Variants in HTR2C observed in about 807,000 individuals in gnomAD.
The protein encoded by HTR2C is 5-hydroxytryptamine receptor 2C.
Under a neutral mutation model 21.0 loss-of-function variants are expected in HTR2C, and 5 were observed. The observed-to-expected ratio is 0.24, with a 90% confidence interval of 0.12 to 0.50. HTR2C has a LOEUF of 0.50. Among genes scored for constraint, HTR2C ranks in the 20% least tolerant of loss-of-function variants. HTR2C has a pLI of 0.98. For missense variants in HTR2C, 271 were observed against 371.2 expected (o/e 0.73, Z 2.22); for synonymous variants, 150 against 145.3 (o/e 1.03, Z -0.23).
intron 4 of HTR2C, among the ~76,000 whole-genome samples, chrX:114,806,451 G>GTA (rs1252572118): frequency 4.2e-5 from 3 of 72,073 alleles, no homozygotes; most frequent in Non-Finnish European, 7.3e-5. Flanking sequence ...TATATATACT[G>GTA]TATATATATA....
At chrX:114,697,251 T>C (rs1932307224) in intron 2 of HTR2C, among the ~76,000 whole-genome samples, 1 of 112,482 alleles carries the variant, frequency 8.9e-6, no homozygotes, top group African/African-American at 3.2e-5. Context: ...ATTGTGTATA[T>C]TATGCAAGCA....
At chrX:114,592,908 G>A (rs1258420300) in intron 1 of HTR2C, among the ~76,000 whole-genome samples, 3 of 111,992 alleles carry the variant, frequency 2.7e-5, no homozygotes, top group Non-Finnish European at 5.6e-5. Flanking sequence ...CTGAATATCA[G>A]AATGAAACCC....
intron 2 of HTR2C, among the ~76,000 whole-genome samples, chrX:114,703,871 G>C (rs1406650999): frequency 9.1e-6 from 1 of 110,089 alleles, no homozygotes; most frequent in African/African-American, 3.3e-5. Context: ...AAATGATAAA[G>C]GGGATATCAC....
At chrX:114,721,976 G>A (rs1933237503) in intron 2 of HTR2C, among the ~76,000 whole-genome samples, 1 of 107,604 alleles carries the variant, frequency 9.3e-6, no homozygotes, top group African/African-American at 3.4e-5. Flanking sequence ...TGTTCTTTTG[G>A]CTTAGGATTG....
chrX:114,773,186 T>C (rs1366147164), intron 4 of HTR2C, among the ~76,000 whole-genome samples: 1 of 112,180 alleles, frequency 8.9e-6, no homozygotes, highest in Non-Finnish European at 1.9e-5. Context: ...CTTTCCCCCT[T>C]TCCCATTATA....
intron 2 of HTR2C, among the ~76,000 whole-genome samples, chrX:114,705,385 G>T: frequency 1.8e-5 from 2 of 109,906 alleles, no homozygotes; most frequent in African/African-American, 3.3e-5. Flanking sequence ...ACAGAACAGA[G>T]CCCTCAGAAA....
At chrX:114,873,300 A>T (rs1167026225) in intron 5 of HTR2C, among the ~76,000 whole-genome samples, 2 of 109,235 alleles carry the variant, frequency 1.8e-5, no homozygotes, top group Admixed American at 2.0e-4. Context: ...TTTTCTTTTG[A>T]TTTTTCTTTT....
chrX:114,805,002 C>T (rs900150925), intron 4 of HTR2C, among the ~76,000 whole-genome samples: 7 of 111,430 alleles, frequency 6.3e-5, no homozygotes, highest in East Asian at 5.6e-4. Context: ...AAAAGGAAAC[C>T]GGTCATTGTC....
intron 1 of HTR2C, among the ~76,000 whole-genome samples, chrX:114,589,278 A>C (rs1421785073): frequency 8.9e-6 from 1 of 112,059 alleles, no homozygotes; most frequent in African/African-American, 3.2e-5. Context: ...GAAGTAGAGC[A>C]AATGAGAATG....
intron 5 of HTR2C, among the ~76,000 whole-genome samples, chrX:114,888,203 A>G (rs1450934602): frequency 5.4e-5 from 6 of 111,069 alleles, no homozygotes; most frequent in African/African-American, 2.0e-4. Flanking sequence ...AGATATGTAG[A>G]TGTGTAATGG....
At chrX:114,624,573 T>G (rs1398295411) in intron 2 of HTR2C, among the ~76,000 whole-genome samples, 2 of 112,264 alleles carry the variant, frequency 1.8e-5, no homozygotes, top group African/African-American at 3.2e-5. Context: ...AAAATTCATT[T>G]TGATGATTTC....
At chrX:114,731,180 A>C (rs782094259) in intron 3 of HTR2C, 114 bp from the exon 4 acceptor site, 1 of 476,441 alleles carries the variant, frequency 2.1e-6, no homozygotes, top group Non-Finnish European at 3.7e-6. Context: ...AATGATGCTG[A>C]TGATGATAAT....
Position 114,871,636 on chromosome X carries a change from G to GT in HTR2C, c.550+23444dup, listed in dbSNP as rs35992234. On this transcript the variant is annotated intron_variant, in intron 5 of 5. Coordinates refer to ENST00000276198, the MANE Select transcript of HTR2C (RefSeq NM_000868.4). ...TACGATTTTTGTGACATCTTCATCTGTTTTTTTTTTTGTATCAGGATAATA... is the reference window on the plus strand; with the variant it reads ...TACGATTTTTGTGACATCTTCATCTGTTTTTTTTTTTTGTATCAGGATAATA... Among the ~76,000 whole-genome samples the GT allele has an allele frequency of 3.5e-3, 353 of 101,235 alleles. 1 individual carries two copies. The highest frequency in any genetic ancestry group is 0.011 in the East Asian group (34 of 3,234). The allele number at this position is 101,235 out of a possible 115,157, so 87.9% of individuals were successfully genotyped here. A position where few individuals can be genotyped will look rare whatever the true frequency, so the allele number is the denominator to read the frequency against.
chrX:114,865,673 A>G (rs1308943992), intron 5 of HTR2C, among the ~76,000 whole-genome samples: 2 of 111,470 alleles, frequency 1.8e-5, no homozygotes, highest in Non-Finnish European at 3.8e-5. Context: ...TCTTTATATA[A>G]TCTAGGGTAA....
At position 114,906,591 on chromosome X, in the gene HTR2C, G is replaced by T. The variant is rs149710250; in HGVS notation, c.553G>T (p.Val185Leu). The T allele has an allele frequency of 8.5e-7, 1 of 1,182,244 alleles. No homozygotes were observed. Among genetic ancestry groups the T allele is most frequent in the African/African-American group, 1.8e-5 (1 of 56,492 alleles). The change falls in exon 6 of 6, where the codon GTA becomes TTA. Residue 185 changes from valine (V) to leucine (L), a missense_variant and splice_region_variant. Around this residue, in one of 5 missense-constraint regions of HTR2C, gnomAD observed 192 missense variants for 247.2 expected, o/e 0.78. Transcript: ENST00000276198. ...IAIVWAISIG[V>L]SVPIPVIGLR... Reference sequence around the variant, plus strand: ...CCCCTTCCTTTTTCTTCCTTTAGGTGTATCAGTTCCTATCCCTGTGATTGG... The same window carrying T: ...CCCCTTCCTTTTTCTTCCTTTAGGTTTATCAGTTCCTATCCCTGTGATTGG...
intron 3 of HTR2C, among the ~76,000 whole-genome samples, chrX:114,731,002 A>G (rs782039221): frequency 5.4e-5 from 6 of 111,760 alleles, no homozygotes; most frequent in African/African-American, 1.9e-4. Context: ...GATATAAATT[A>G]GAACTGACAT....
chrX:114,704,862 C>T (rs1481481699), intron 2 of HTR2C, among the ~76,000 whole-genome samples: 1 of 106,690 alleles, frequency 9.4e-6, no homozygotes, highest in Admixed American at 1.0e-4. Flanking sequence ...AGCAAAGTCT[C>T]AGGATACAAA....
Position 114,829,392 on chromosome X carries a change from C to T in HTR2C, c.350-18611C>T, listed in dbSNP as rs1489525028. ...AGAAATGTCTATTCAAGTTCCTTAC[C>T]CATTTTTTATTTGCAAATATTTTCT... On this transcript the variant is annotated intron_variant, in intron 4 of 5. Transcript: ENST00000276198. Among the ~76,000 whole-genome samples, 4 of 111,377 alleles carry T rather than the reference C, an allele frequency of 3.6e-5. No homozygotes were observed. In the East Asian group the frequency reaches 1.1e-3, roughly 31 times the overall value.
chrX:114,800,821 C>CCCATAGGAA (rs374402790), intron 4 of HTR2C, among the ~76,000 whole-genome samples: 1,379 of 111,401 alleles, frequency 0.012, 19 homozygotes, highest in African/African-American at 0.042. Context: ...ACTGACTTAT[C>CCCATAGGAA]CCATAGGAAC....
Sources: gnomAD v4.1 joint callset for allele counts (sites outside exome capture counted in the v4.1 genomes callset) on GRCh38, gnomAD v4.1.1 for gene constraint, gnomAD v4.1.1 regional missense constraint, MANE v1.5 for transcripts, NCBI Gene and HGNC (gene_info 2026-07-23, HGNC 2026-07-21) for gene names.